The following GJC1 variants were observed in gnomAD, a reference collection of about 807,000 sequenced individuals.
GJC1 encodes the protein gap junction protein gamma 1.
GJC1 carries 5 observed loss-of-function variants against 29.3 expected under a neutral mutation model. The ratio of observed to expected loss-of-function variants is 0.17; its 90% CI spans 0.09 to 0.36. The LOEUF (loss-of-function observed/expected upper bound fraction) is 0.36, where lower values mean the gene tolerates loss of function less well. GJC1 is among the 10% of genes least tolerant of loss of function. The pLI is 1.00. For missense variants in GJC1, 310 were observed against 496.2 expected (o/e 0.62, Z 3.56); for synonymous variants, 177 against 183.3 (o/e 0.97, Z 0.28).
chr17:44,819,531 G>A (rs1171504258), intron 1 of GJC1, among the ~76,000 whole-genome samples: 2 of 151,724 alleles, frequency 1.3e-5, no homozygotes, highest in South Asian at 4.2e-4. Context: ...GGTGGCAGGC[G>A]CCTGTAGTCC....
At chr17:44,813,897 G>A (rs1309080964) in intron 1 of GJC1, among the ~76,000 whole-genome samples, 1 of 152,046 alleles carries the variant, frequency 6.6e-6, no homozygotes, top group Non-Finnish European at 1.5e-5. Context: ...TCTGTAATGG[G>A]TCACTCATTC....
At chr17:44,819,439 A>G (rs1431365752) in intron 1 of GJC1, among the ~76,000 whole-genome samples, 1 of 152,022 alleles carries the variant, frequency 6.6e-6, no homozygotes, top group African/African-American at 2.4e-5. Flanking sequence ...CGGGTAGATC[A>G]TGAGGTCAGG....
intron 1 of GJC1, among the ~76,000 whole-genome samples, chr17:44,808,433 A>G (rs895929051): frequency 1.6e-5 from 1 of 64,184 alleles, no homozygotes; most frequent in African/African-American, 4.2e-5. Context: ...TCTCTTACAC[A>G]CACACACACA....
At chr17:44,821,542 T>C (rs149834735) in intron 1 of GJC1, among the ~76,000 whole-genome samples, 1,897 of 151,248 alleles carry the variant, frequency 0.013, 38 homozygotes, top group African/African-American at 0.041. Context: ...CTACTAAAAA[T>C]ACAAAATTAG....
chr17:44,821,570 G>C (rs1021596352), intron 1 of GJC1, among the ~76,000 whole-genome samples: 1 of 151,728 alleles, frequency 6.6e-6, no homozygotes, highest in African/African-American at 2.4e-5. Context: ...GGTGGCACAC[G>C]CCTGTAATCT....
At chr17:44,806,668 C>T (rs895687243) in intron 2 of GJC1, among the ~76,000 whole-genome samples, 2 of 151,974 alleles carry the variant, frequency 1.3e-5, no homozygotes, top group African/African-American at 4.8e-5. Context: ...GGATTACAGG[C>T]GTGAACCACC....
At chr17:44,828,357 A>G (rs1264498237) in intron 1 of GJC1, among the ~76,000 whole-genome samples, 1 of 152,218 alleles carries the variant, frequency 6.6e-6, no homozygotes, top group Non-Finnish European at 1.5e-5. Flanking sequence ...TCTGGTAGAA[A>G]ACAATTCTTA....
At chr17:44,795,957 C>T (rs1396257562), downstream of GJC1, among the ~76,000 whole-genome samples, 2 of 152,196 alleles carry the variant, frequency 1.3e-5, no homozygotes, top group African/African-American at 4.8e-5. Context: ...ATGGGGGAGC[C>T]AGAAGGGAGA....
rs771691221 is a variant in GJC1 at position 44,804,725 on chromosome 17, G to T, written c.1093C>A (p.Pro365Thr). 6.2e-7 allele frequency: 1 copy of T among 1,614,170 alleles called. No homozygotes were observed. The highest frequency in any genetic ancestry group is 1.7e-5 in the Admixed American group (1 of 60,012). Residue 365 changes from proline to threonine, a missense_variant, in exon 3 of 3, where the codon CCC becomes ACC. Transcript: ENST00000592524. ...AYSHQNNPHG[P>T]REKKAKVGSK... is the part of the protein sequence containing the mutation. ...CCCACTTTGGCCTTCTTCTCCCGGGGACCATGAGGGTTGTTTTGGTGACTG... is the reference window on the plus strand; with the variant it reads ...CCCACTTTGGCCTTCTTCTCCCGGGTACCATGAGGGTTGTTTTGGTGACTG...
In GJC1 at chr17:44,804,354, G is replaced by T; in HGVS notation, c.*273C>A. 5.2e-6 allele frequency: 2 copies of T among 383,412 alleles called. No individual in the cohort carries two copies. The highest frequency in any genetic ancestry group is 9.3e-6 in the Non-Finnish European group (2 of 215,104). The allele number at this position is 383,412 out of a possible 1,614,324, so 23.8% of individuals were successfully genotyped here. A position where few individuals can be genotyped will look rare whatever the true frequency, so the allele number is the denominator to read the frequency against. ...CATACAAAAACTGTTCAACAAGAAT[G>T]ATTTAAATATGTCTGTTCTTCTCCA... On this transcript the variant is annotated 3_prime_UTR_variant, in exon 3 of 3. Coordinates refer to ENST00000592524, the MANE Select transcript of GJC1 (RefSeq NM_005497.4).
downstream of GJC1, chr17:44,795,043 C>G (rs917466421): frequency 2.0e-5 from 3 of 152,172 alleles, no homozygotes; most frequent in African/African-American, 7.2e-5. Flanking sequence ...GTCATGTCAG[C>G]AGCTCTTTTT....
At chr17:44,819,586 A>T (rs1232591609) in intron 1 of GJC1, among the ~76,000 whole-genome samples, 4 of 151,930 alleles carry the variant, frequency 2.6e-5, no homozygotes, top group African/African-American at 9.7e-5. Context: ...TGAACCCAGG[A>T]GGCAGAGCTT....
Position 44,804,690 on chromosome 17 carries a change from A to G in GJC1, c.1128T>C (p.Ala376=), listed in dbSNP as rs1190231685. The G allele has an allele frequency of 2.5e-6, 4 of 1,614,154 alleles. No homozygotes were observed. Residue 376 remains alanine, a synonymous_variant, in exon 3 of 3, where the codon GCT becomes GCC. Coordinates refer to ENST00000592524, the MANE Select transcript of GJC1 (RefSeq NM_005497.4). ...REKKAKVGSK[A]GSNKSTASSK... ...TACTGGCAGTGCTTTTGTTGGACCC[A>G]GCTTTGGACCCCACTTTGGCCTTCT...
chr17:44,824,861 G>A (rs1597760880), intron 1 of GJC1, among the ~76,000 whole-genome samples: 1 of 86,026 alleles, frequency 1.2e-5, no homozygotes, highest in Admixed American at 1.4e-4. Context: ...GGGGGGGAAA[G>A]AAAGAGTCCA....
chr17:44,823,857 G>A (rs528398835), intron 1 of GJC1, among the ~76,000 whole-genome samples: 3 of 151,480 alleles, frequency 2.0e-5, no homozygotes, highest in African/African-American at 7.3e-5. Flanking sequence ...GACTACTGGC[G>A]TGTGCCACCA....
At chr17:44,795,820 C>T (rs1313108311), downstream of GJC1, among the ~76,000 whole-genome samples, 1 of 152,368 alleles carries the variant, frequency 6.6e-6, no homozygotes, top group East Asian at 1.9e-4. Flanking sequence ...AGACCTCTGC[C>T]TCATTGCAAG....
intron 1 of GJC1, among the ~76,000 whole-genome samples, chr17:44,821,425 C>T (rs1197748597): frequency 5.3e-5 from 8 of 152,104 alleles, no homozygotes; most frequent in Non-Finnish European, 7.4e-5. Context: ...CGGCTGGGTG[C>T]GGTGGCTCAT....
intron 1 of GJC1, among the ~76,000 whole-genome samples, chr17:44,825,134 G>A (rs1166044898): frequency 1.4e-4 from 18 of 127,920 alleles, no homozygotes; most frequent in Non-Finnish European, 2.5e-4. Flanking sequence ...AGGATCGCTT[G>A]AGAGCACCAC....
chr17:44,798,560 T>C lies in GJC1; in HGVS notation c.*6067A>G, dbSNP rs533254482. The C allele has an allele frequency of 6.6e-6, 1 of 152,206 alleles. No homozygotes were observed. Among genetic ancestry groups the C allele is most frequent in the Non-Finnish European group, 1.5e-5 (1 of 68,038 alleles). 9.4% of individuals were successfully genotyped at this position (152,206 alleles called of 1,614,324 possible). ...ATTACATAAGCTGTACAGAACAAAA[T>C]TAGCAATGAGTGATCTTTGGCACTA... On this transcript the variant is annotated 3_prime_UTR_variant, in exon 3 of 3. Coordinates refer to ENST00000592524, the MANE Select transcript of GJC1 (RefSeq NM_005497.4).
Sources: allele counts gnomAD v4.1 joint callset (sites outside exome capture counted in the v4.1 genomes callset), GRCh38; gene constraint gnomAD v4.1.1; transcripts MANE v1.5; gene names NCBI Gene and HGNC (gene_info 2026-07-23, HGNC 2026-07-21).